KCNJ4: variants seen among roughly 807,000 people sequenced by gnomAD.
KCNJ4 encodes inward rectifier potassium channel 4.
KCNJ4 carries 3 observed loss-of-function variants against 25.6 expected under a neutral mutation model. The observed-to-expected ratio is 0.12, with a 90% CI of 0.05 to 0.30. The LOEUF is 0.30. Ranked by LOEUF, KCNJ4 falls within the 10% of genes least tolerant of loss-of-function variation. The pLI, the probability that KCNJ4 is intolerant of heterozygous loss-of-function variation, is 1.00. For missense variants in KCNJ4, 286 were observed against 666.8 expected, an observed-to-expected ratio of 0.43 and a Z score of 6.29; for synonymous variants, 257 against 283.9, an observed-to-expected ratio of 0.91 and a Z score of 0.95.
At chr22:38,451,248 G>A (rs2145949875) in intron 1 of KCNJ4, among the ~76,000 whole-genome samples, 1 of 152,286 alleles carries the variant, frequency 6.6e-6, no homozygotes, top group African/African-American at 2.4e-5. Flanking sequence ...CGTAAGGCGA[G>A]AGTCACCTGG....
chr22:38,446,971 GAAAC>G (rs1470216194), intron 1 of KCNJ4, among the ~76,000 whole-genome samples: 1 of 142,284 alleles, frequency 7.0e-6, no homozygotes, highest in Non-Finnish European at 1.5e-5. Flanking sequence ...AAAAAAAAAA[GAAAC>G]AGAGGCAAAC....
intron 1 of KCNJ4, among the ~76,000 whole-genome samples, chr22:38,451,144 GCGGGGAAGCGATGGGCA>G (rs1014956872): frequency 2.0e-5 from 3 of 152,238 alleles, no homozygotes; most frequent in African/African-American, 4.8e-5. Flanking sequence ...TCGCTGGGAA[GCGGGGAAGCGATGGGCA>G]CTGCTTCCCA....
At chr22:38,446,372 AG>A (rs1306410699) in intron 1 of KCNJ4, among the ~76,000 whole-genome samples, 1 of 152,194 alleles carries the variant, frequency 6.6e-6, no homozygotes, top group East Asian at 1.9e-4. Context: ...AGCCAGAGAG[AG>A]GCCCTTTCCA....
intron 1 of KCNJ4, among the ~76,000 whole-genome samples, chr22:38,430,788 G>T (rs923249174): frequency 3.9e-5 from 6 of 152,206 alleles, no homozygotes; most frequent in Non-Finnish European, 8.8e-5. Context: ...GGCTCCAGGG[G>T]CACCGCGGAC....
chr22:38,446,954 C>CAAAAAAAAAAAAAAAAAAAAAA (rs11294836), intron 1 of KCNJ4, among the ~76,000 whole-genome samples: 12 of 133,872 alleles, frequency 9.0e-5, no homozygotes, highest in African/African-American at 2.5e-4. Context: ...GACTCCATCT[C>CAAAAAAAAAAAAAAAAAAAAAA]AAAAAAAAAA....
In KCNJ4 at chr22:38,455,159, C is replaced by T. The variant is rs911575782; in HGVS notation, c.-219G>A. 247 of 148,972 alleles carry T rather than the reference C, an allele frequency of 1.7e-3. 1 individual carries two copies. Among genetic ancestry groups the T allele is most frequent in the African/African-American group, 5.7e-3 (235 of 41,042 alleles). The allele number at this position is 148,972 out of a possible 1,614,324, so 9.2% of individuals were successfully genotyped here. On this transcript the variant is annotated 5_prime_UTR_variant, in exon 1 of 2. Coordinates refer to ENST00000303592, the MANE Select transcript of KCNJ4 (RefSeq NM_152868.3). ...GCTGCCGCTCGGTCTGCGCGTGGGT[C>T]TTGGGGTCTCCGCGCGTCCCGGCCG... is the stretch of plus-strand genomic sequence containing the variant.
intron 1 of KCNJ4, among the ~76,000 whole-genome samples, chr22:38,452,787 A>G (rs2089417829): frequency 1.4e-5 from 2 of 144,510 alleles, no homozygotes; most frequent in South Asian, 4.4e-4. Context: ...TTCCCCAGCT[A>G]GCCTGGCCCT....
At chr22:38,454,758 G>C (rs2089430097) in intron 1 of KCNJ4, among the ~76,000 whole-genome samples, 1 of 152,090 alleles carries the variant, frequency 6.6e-6, no homozygotes, top group Admixed American at 6.5e-5. Flanking sequence ...CCACAACCCA[G>C]ACCGCGACGC....
At chr22:38,436,887 C>T (rs1351076512) in intron 1 of KCNJ4, among the ~76,000 whole-genome samples, 12 of 152,128 alleles carry the variant, frequency 7.9e-5, no homozygotes, top group African/African-American at 2.4e-4. Context: ...CATCAAAGCA[C>T]GCTAACAAGG....
intron 1 of KCNJ4, among the ~76,000 whole-genome samples, chr22:38,450,791 C>G (rs2089406054): frequency 6.6e-6 from 1 of 152,208 alleles, no homozygotes; most frequent in African/African-American, 2.4e-5. Flanking sequence ...TGGTATCTGT[C>G]TTCAGAATGG....
intron 1 of KCNJ4, among the ~76,000 whole-genome samples, chr22:38,442,085 G>T (rs901577307): frequency 1.3e-5 from 2 of 152,098 alleles, no homozygotes; most frequent in African/African-American, 4.8e-5. Context: ...GCTGCTCCGG[G>T]GAGGGAAAGC....
intron 1 of KCNJ4, among the ~76,000 whole-genome samples, chr22:38,442,104 G>T (rs889404628): frequency 6.6e-6 from 1 of 152,230 alleles, no homozygotes; most frequent in African/African-American, 2.4e-5. Context: ...GCAGGTGGCT[G>T]GGGACAGGGT....
intron 1 of KCNJ4, among the ~76,000 whole-genome samples, chr22:38,439,885 T>C (rs1293443378): frequency 7.1e-6 from 1 of 139,990 alleles, no homozygotes; most frequent in East Asian, 2.2e-4. Context: ...GGTCAGGAGA[T>C]TGAGACCATC....
intron 1 of KCNJ4, among the ~76,000 whole-genome samples, chr22:38,440,092 C>T (rs577881529): frequency 2.8e-4 from 39 of 140,064 alleles, no homozygotes; most frequent in African/African-American, 9.4e-4. Context: ...AGCGAGACTT[C>T]GTCTCAAAAA....
intron 1 of KCNJ4, among the ~76,000 whole-genome samples, chr22:38,441,504 C>A (rs2089333198): frequency 6.6e-6 from 1 of 152,166 alleles, no homozygotes; most frequent in African/African-American, 2.4e-5. Flanking sequence ...TAGCTGTCAG[C>A]AAACAAGACT....
chr22:38,432,967 T>A (rs945478686), intron 1 of KCNJ4, among the ~76,000 whole-genome samples: 46 of 150,958 alleles, frequency 3.0e-4, no homozygotes, highest in Middle Eastern at 3.4e-3. Context: ...CAAGACTCCA[T>A]CTCAAAAAAA....
chr22:38,437,669 C>T (rs1396815775), intron 1 of KCNJ4, among the ~76,000 whole-genome samples: 1 of 152,202 alleles, frequency 6.6e-6, no homozygotes, highest in Non-Finnish European at 1.5e-5. Flanking sequence ...AAAAGTACAA[C>T]ATGGGGTGAG....
intron 1 of KCNJ4, among the ~76,000 whole-genome samples, chr22:38,454,617 C>G (rs2089428628): frequency 6.6e-6 from 1 of 152,148 alleles, no homozygotes; most frequent in Non-Finnish European, 1.5e-5. Context: ...GGCGGCATCC[C>G]CCACCTTGCC....
chr22:38,435,236 C>T (rs2093061958), intron 1 of KCNJ4, among the ~76,000 whole-genome samples: 1 of 152,214 alleles, frequency 6.6e-6, no homozygotes, highest in African/African-American at 2.4e-5. Context: ...TAGCCCCAGC[C>T]ATCCCTGAGC....
Sources: allele counts gnomAD v4.1 joint callset (sites outside exome capture counted in the v4.1 genomes callset), GRCh38; gene constraint gnomAD v4.1.1; transcripts MANE v1.5; gene names NCBI Gene and HGNC (gene_info 2026-07-23, HGNC 2026-07-21).